Variants in DNAH11 observed in about 807,000 individuals in gnomAD.
The protein encoded by DNAH11 is dynein axonemal heavy chain 11.
In DNAH11, 442 loss-of-function variants were observed where a neutral mutation model predicts 526.0. The observed-to-expected ratio is 0.84, with a 90% CI of 0.78 to 0.91. The LOEUF is 0.91. Among genes scored for constraint, DNAH11 ranks in the 40% least tolerant of loss-of-function variants. The pLI is 0.00. For synonymous variants in DNAH11, 2,461 were observed against 1,935.9 expected, an observed-to-expected ratio of 1.27 and a Z score of -7.12; for missense variants, 6,989 against 5,448.7, an observed-to-expected ratio of 1.28 and a Z score of -8.90.
intron 65 of DNAH11, among the ~76,000 whole-genome samples, chr7:21,824,291 T>C (rs978973055): frequency 6.6e-6 from 1 of 152,196 alleles, no homozygotes; most frequent in Non-Finnish European, 1.5e-5. Flanking sequence ...GCCAATATCC[T>C]TTAAGCTACC....
chr7:21,630,703 G>C (rs1056812952), intron 25 of DNAH11, among the ~76,000 whole-genome samples: 1 of 152,088 alleles, frequency 6.6e-6, no homozygotes, highest in Non-Finnish European at 1.5e-5. Context: ...TCAAATTGGA[G>C]CTCCTTTATA....
intron 30 of DNAH11, among the ~76,000 whole-genome samples, chr7:21,666,422 G>A (rs1043705989): frequency 6.6e-6 from 1 of 152,066 alleles, no homozygotes; most frequent in Non-Finnish European, 1.5e-5. Flanking sequence ...AAGAGAGATA[G>A]AAGTGTTTTA....
At chr7:21,876,470 A>C (rs932827080) in intron 74 of DNAH11, among the ~76,000 whole-genome samples, 1 of 152,232 alleles carries the variant, frequency 6.6e-6, no homozygotes, top group African/African-American at 2.4e-5. Flanking sequence ...CTCTCTGTGA[A>C]TATGTTCCCA....
chr7:21,609,704 C>T (rs181610750), intron 20 of DNAH11, among the ~76,000 whole-genome samples: 35 of 152,196 alleles, frequency 2.3e-4, no homozygotes, highest in Admixed American at 4.6e-4. Flanking sequence ...TAATCTGTTG[C>T]GGAGTTCACA....
At chr7:21,615,364 T>G (rs1341268611) in intron 21 of DNAH11, 92 bp downstream of exon 21, 2 of 1,423,934 alleles carry the variant, frequency 1.4e-6, no homozygotes, top group Admixed American at 2.3e-5. Flanking sequence ...TTGGGTTTTA[T>G]AATGTCTTGA....
At chr7:21,651,820 T>G (rs149606660) in intron 28 of DNAH11, among the ~76,000 whole-genome samples, 109 of 152,362 alleles carry the variant, frequency 7.2e-4, no homozygotes, top group African/African-American at 2.4e-3. Context: ...AGTTGATTAC[T>G]AACTCTCCAG....
At chr7:21,880,389 G>A (rs1213771006) in intron 74 of DNAH11, among the ~76,000 whole-genome samples, 2 of 152,158 alleles carry the variant, frequency 1.3e-5, no homozygotes, top group East Asian at 1.9e-4. Flanking sequence ...CAGATTCTGC[G>A]AAGAAAATTT....
At chr7:21,820,632 G>A (rs932664560) in intron 65 of DNAH11, among the ~76,000 whole-genome samples, 11 of 152,150 alleles carry the variant, frequency 7.2e-5, no homozygotes, top group Admixed American at 5.2e-4. Flanking sequence ...GGACAGATGA[G>A]ACTGGAGAGG....
At chr7:21,817,155 T>C (rs1789830829) in intron 64 of DNAH11, among the ~76,000 whole-genome samples, 1 of 152,148 alleles carries the variant, frequency 6.6e-6, no homozygotes, top group Admixed American at 6.6e-5. Flanking sequence ...GTTAATTTAT[T>C]ATCTTAGTCA....
chr7:21,794,790 A>G (rs1788636584), intron 61 of DNAH11, among the ~76,000 whole-genome samples: 2 of 152,166 alleles, frequency 1.3e-5, no homozygotes, highest in Admixed American at 1.3e-4. Context: ...CCTCTGGGTT[A>G]CGGTAAAAAG....
chr7:21,883,856 C>G (rs1784022019), intron 75 of DNAH11, among the ~76,000 whole-genome samples: 1 of 152,030 alleles, frequency 6.6e-6, no homozygotes, highest in Non-Finnish European at 1.5e-5. Context: ...ACCTGGACAC[C>G]ATAGTGAGAC....
At chr7:21,759,130 G>A (rs943124361) in intron 54 of DNAH11, among the ~76,000 whole-genome samples, 2 of 152,158 alleles carry the variant, frequency 1.3e-5, no homozygotes, top group South Asian at 4.1e-4. Context: ...CTGAGACGAG[G>A]GCTCTGCTTC....
intron 32 of DNAH11, 29 bp from the exon 33 acceptor site, chr7:21,687,070 G>T: frequency 1.3e-6 from 2 of 1,592,954 alleles, no homozygotes; most frequent in Non-Finnish European, 1.7e-6. Context: ...ATATTAGACT[G>T]TGATGTTTGT....
At chr7:21,873,784 C>CTTTT (rs57333575) in intron 74 of DNAH11, among the ~76,000 whole-genome samples, 3,835 of 70,660 alleles carry the variant, frequency 0.054, 832 homozygotes, top group African/African-American at 0.082. Flanking sequence ...GAGGAGGTTG[C>CTTTT]TTTTTTTTTT....
chr7:21,579,973 A>G (rs1245697365), intron 8 of DNAH11, among the ~76,000 whole-genome samples: 2 of 152,206 alleles, frequency 1.3e-5, no homozygotes, highest in Non-Finnish European at 1.5e-5. Context: ...AGAGAAGTCA[A>G]GGAGGTTGCC....
At chr7:21,675,548 C>T (rs1462507862) in intron 30 of DNAH11, among the ~76,000 whole-genome samples, 1 of 152,224 alleles carries the variant, frequency 6.6e-6, no homozygotes, top group African/African-American at 2.4e-5. Context: ...TATTTATCTG[C>T]ATTCCTTCTT....
At chr7:21,628,875 G>T (rs1300916901) in intron 25 of DNAH11, among the ~76,000 whole-genome samples, 1 of 151,960 alleles carries the variant, frequency 6.6e-6, no homozygotes, top group Non-Finnish European at 1.5e-5. Context: ...TTGATCTTCT[G>T]TATTTTTTCT....
intron 8 of DNAH11, among the ~76,000 whole-genome samples, chr7:21,574,554 C>T (rs150184725): frequency 0.039 from 5,605 of 144,086 alleles, 461 homozygotes; most frequent in African/African-American, 0.14. Context: ...CTCCCTCCCT[C>T]CCTTCCTTCC....
chr7:21,607,936 CAAAA>C lies in DNAH11; in HGVS notation c.3852+1224_3852+1227del, dbSNP rs34293535. ...CTGGCGACAGAGCAAGACTTCATCTCAAAAAAAAAAAAAAAAAAAAAAAAGGCTT... is the reference window on the plus strand; with the variant it reads ...CTGGCGACAGAGCAAGACTTCATCTCAAAAAAAAAAAAAAAAAAAAGGCTT... On this transcript the variant is annotated intron_variant, in intron 20 of 81. Transcript: ENST00000409508. 6.3e-3 allele frequency among the ~76,000 whole-genome samples: 432 copies of C among 68,642 alleles called. 2 individuals carry two copies. The highest frequency in any genetic ancestry group is 0.023 in the African/African-American group (391 of 17,264). The allele number at this position is 68,642 out of a possible 152,430, so 45.0% of individuals were successfully genotyped here.
Sources: allele counts gnomAD v4.1 joint callset (sites outside exome capture counted in the v4.1 genomes callset), GRCh38; gene constraint gnomAD v4.1.1; transcripts MANE v1.5; gene names NCBI Gene and HGNC (gene_info 2026-07-23, HGNC 2026-07-21).